PLD5: variants seen among roughly 807,000 people sequenced by gnomAD.
The protein encoded by PLD5 is phospholipase D family member 5, also known as inactive phospholipase D5.
A neutral mutation model predicts 61.1 loss-of-function variants in PLD5; 36 were observed. The observed-to-expected ratio is 0.59, with a 90% CI of 0.45 to 0.78. The LOEUF (loss-of-function observed/expected upper bound fraction) is 0.78. PLD5 is among the 30% of genes least tolerant of loss of function. The pLI, the probability that PLD5 is intolerant of heterozygous loss-of-function variation, is 0.00. For synonymous variants in PLD5, 243 were observed against 242.8 expected (o/e 1.00, Z -0.01); for missense variants, 515 against 644.4 (o/e 0.80, Z 2.17).
chr1:242,321,146 CTT>C (rs1186806187), intron 2 of PLD5, among the ~76,000 whole-genome samples: 2 of 152,104 alleles, frequency 1.3e-5, no homozygotes, highest in African/African-American at 4.8e-5. Context: ...GCAAAGCTGT[CTT>C]TTGTGGGGGA....
At chr1:242,372,271 G>A (rs1223850912) in intron 1 of PLD5, among the ~76,000 whole-genome samples, 1 of 152,140 alleles carries the variant, frequency 6.6e-6, no homozygotes, top group Non-Finnish European at 1.5e-5. Context: ...CACACCAGCA[G>A]GATGATCTCT....
intron 4 of PLD5, among the ~76,000 whole-genome samples, chr1:242,254,883 C>A (rs1299402886): frequency 6.6e-6 from 1 of 152,174 alleles, no homozygotes; most frequent in African/African-American, 2.4e-5. Context: ...TGCCTTGCTG[C>A]CAAATATTTT....
At chr1:242,223,425 A>G (rs1670728651) in intron 4 of PLD5, among the ~76,000 whole-genome samples, 1 of 152,196 alleles carries the variant, frequency 6.6e-6, no homozygotes, top group South Asian at 2.1e-4. Context: ...CAGAAAGTGG[A>G]GTCCTTACTG....
intron 6 of PLD5, among the ~76,000 whole-genome samples, chr1:242,122,483 T>C (rs1015612908): frequency 6.6e-6 from 1 of 152,192 alleles, no homozygotes; most frequent in African/African-American, 2.4e-5. Context: ...GCTTGGCATG[T>C]AGTGTCACCC....
At chr1:242,502,679 G>C (rs1668592498) in intron 1 of PLD5, among the ~76,000 whole-genome samples, 2 of 152,134 alleles carry the variant, frequency 1.3e-5, no homozygotes, top group African/African-American at 4.8e-5. Flanking sequence ...GTGCGTGTGT[G>C]TGTGTATGTG....
intron 1 of PLD5, among the ~76,000 whole-genome samples, chr1:242,500,460 C>A (rs1027958708): frequency 6.6e-6 from 1 of 152,018 alleles, no homozygotes; most frequent in African/African-American, 2.4e-5. Flanking sequence ...TGCTAGGATA[C>A]GGAAAATAAT....
intron 4 of PLD5, among the ~76,000 whole-genome samples, chr1:242,223,451 C>T (rs760621823): frequency 1.3e-5 from 2 of 152,106 alleles, no homozygotes; most frequent in Non-Finnish European, 2.9e-5. Flanking sequence ...TCAGGGAACC[C>T]CAAGTGAAGG....
chr1:242,387,612 T>C (rs1312118164), intron 1 of PLD5, among the ~76,000 whole-genome samples: 1 of 150,182 alleles, frequency 6.7e-6, no homozygotes, highest in Non-Finnish European at 1.5e-5. Context: ...AATACATATA[T>C]ATTTTGTATT....
At chr1:242,457,257 A>G (rs1558581408) in intron 1 of PLD5, among the ~76,000 whole-genome samples, 1 of 152,206 alleles carries the variant, frequency 6.6e-6, no homozygotes, top group Non-Finnish European at 1.5e-5. Flanking sequence ...AGCCCAAGCT[A>G]TTGTAGAAAG....
chr1:242,493,262 C>A (rs1456326792), intron 1 of PLD5, among the ~76,000 whole-genome samples: 4 of 152,108 alleles, frequency 2.6e-5, no homozygotes, highest in Admixed American at 6.5e-5. Context: ...GAAAGGGCAA[C>A]CTGTGGACTT....
chr1:242,430,655 G>A (rs1665667712), intron 1 of PLD5, among the ~76,000 whole-genome samples: 1 of 152,046 alleles, frequency 6.6e-6, no homozygotes, highest in Middle Eastern at 3.2e-3. Flanking sequence ...TTCCAACAAT[G>A]AAGTCCCTGT....
chr1:242,341,675 G>T (rs139951218), intron 2 of PLD5, among the ~76,000 whole-genome samples: 3,218 of 140,504 alleles, frequency 0.023, 126 homozygotes, highest in African/African-American at 0.08. Flanking sequence ...TTATACATTG[G>T]TTACCCAGCC....
intron 1 of PLD5, among the ~76,000 whole-genome samples, chr1:242,467,820 TAG>T (rs1386653233): frequency 1.3e-5 from 2 of 152,116 alleles, no homozygotes; most frequent in African/African-American, 4.8e-5. Context: ...TGGCCTTTGT[TAG>T]AGAGTTTATA....
At chr1:242,426,229 A>G (rs1425859102) in intron 1 of PLD5, among the ~76,000 whole-genome samples, 1 of 150,892 alleles carries the variant, frequency 6.6e-6, no homozygotes, top group Non-Finnish European at 1.5e-5. Flanking sequence ...GAGCAATAAC[A>G]CGCACAGAGC....
intron 2 of PLD5, among the ~76,000 whole-genome samples, chr1:242,336,238 G>T (rs1257006411): frequency 6.6e-6 from 1 of 152,078 alleles, no homozygotes; most frequent in Non-Finnish European, 1.5e-5. Context: ...AATCCAACTT[G>T]TACTATCTGT....
At chr1:242,288,893 C>A (rs1675186885) in intron 2 of PLD5, among the ~76,000 whole-genome samples, 1 of 152,074 alleles carries the variant, frequency 6.6e-6, no homozygotes, top group Non-Finnish European at 1.5e-5. Context: ...CAATTCAATT[C>A]CTATATAAGA....
chr1:242,520,506 AC>A (rs976205451), intron 1 of PLD5, among the ~76,000 whole-genome samples: 18 of 152,158 alleles, frequency 1.2e-4, no homozygotes, highest in Non-Finnish European at 4.4e-5. Context: ...CGAAGTCTGA[AC>A]CCAGATCCCT....
At chr1:242,486,596 C>T (rs1332402054) in intron 1 of PLD5, among the ~76,000 whole-genome samples, 2 of 152,184 alleles carry the variant, frequency 1.3e-5, no homozygotes. Flanking sequence ...AATAGGAACA[C>T]TTTTACACTG....
chr1:242,121,096 A>G (rs953714519), intron 6 of PLD5, among the ~76,000 whole-genome samples: 2 of 152,222 alleles, frequency 1.3e-5, no homozygotes, highest in Non-Finnish European at 2.9e-5. Context: ...CAACAAATAT[A>G]TTGAATTAAA....
Sources: allele counts gnomAD v4.1 joint callset (sites outside exome capture counted in the v4.1 genomes callset), GRCh38; gene constraint gnomAD v4.1.1; transcripts MANE v1.5; gene names NCBI Gene and HGNC (gene_info 2026-07-23, HGNC 2026-07-21).